The following GRID2 variants were observed in gnomAD, a reference collection of about 807,000 sequenced individuals.
GRID2 encodes glutamate receptor ionotropic, delta-2.
A neutral mutation model predicts 114.8 loss-of-function variants in GRID2; 33 were observed. The ratio of observed to expected loss-of-function variants is 0.29; its 90% confidence interval spans 0.22 to 0.38. The LOEUF is 0.38. Ranked by LOEUF, GRID2 falls within the 10% of genes least tolerant of loss-of-function variation. GRID2 has a pLI of 1.00. For missense variants in GRID2, 1,184 were observed against 1,257.7 expected, an observed-to-expected ratio of 0.94 and a Z score of 0.89; for synonymous variants, 505 against 449.9, an observed-to-expected ratio of 1.12 and a Z score of -1.55.
At chr4:93,620,243 TCTAA>T (rs1328360827) in intron 13 of GRID2, among the ~76,000 whole-genome samples, 1 of 152,234 alleles carries the variant, frequency 6.6e-6, no homozygotes, top group Non-Finnish European at 1.5e-5. Flanking sequence ...GAAATTCCTA[TCTAA>T]CCCTTTTGGT....
intron 2 of GRID2, among the ~76,000 whole-genome samples, chr4:92,933,989 T>G (rs945915788): frequency 2.0e-5 from 3 of 151,716 alleles, no homozygotes; most frequent in Non-Finnish European, 4.4e-5. Flanking sequence ...ACTTAAACAC[T>G]CTATAAAAGA....
chr4:92,928,214 T>G (rs1749973162), intron 2 of GRID2, among the ~76,000 whole-genome samples: 1 of 151,684 alleles, frequency 6.6e-6, no homozygotes, highest in Non-Finnish European at 1.5e-5. Flanking sequence ...TAACTACAGC[T>G]GTTTAGACCA....
chr4:92,550,962 A>G (rs1467467829), intron 1 of GRID2, among the ~76,000 whole-genome samples: 2 of 152,246 alleles, frequency 1.3e-5, no homozygotes, highest in Non-Finnish European at 2.9e-5. Context: ...TTTCTCCATA[A>G]ACAATTAAAA....
At chr4:93,809,625 A>G (rs765684623) in exon 2 of GRID2, 7 of 152,200 alleles carry the variant, frequency 4.6e-5, no homozygotes, top group Non-Finnish European at 7.4e-5. Context: ...TAGAGCAAGG[A>G]AGGCAGATCA....
chr4:93,175,773 G>GA (rs1181065128), intron 4 of GRID2, among the ~76,000 whole-genome samples: 1 of 151,992 alleles, frequency 6.6e-6, no homozygotes, highest in South Asian at 2.1e-4. Flanking sequence ...TCCATGTTTT[G>GA]AAAAAAATAT....
At chr4:93,553,343 C>G (rs1027327745) in intron 13 of GRID2, among the ~76,000 whole-genome samples, 3 of 152,172 alleles carry the variant, frequency 2.0e-5, no homozygotes, top group Non-Finnish European at 2.9e-5. Flanking sequence ...GAGGTGGTAT[C>G]TCATTGTGGT....
At chr4:93,041,768 A>T (rs1314906503) in intron 2 of GRID2, among the ~76,000 whole-genome samples, 1 of 152,202 alleles carries the variant, frequency 6.6e-6, no homozygotes, top group Non-Finnish European at 1.5e-5. Context: ...TATTTCTATT[A>T]TGAAATATTC....
At chr4:92,879,866 T>C (rs988721387) in intron 2 of GRID2, among the ~76,000 whole-genome samples, 1 of 152,234 alleles carries the variant, frequency 6.6e-6, no homozygotes, top group Non-Finnish European at 1.5e-5. Context: ...CAACTGTTCT[T>C]TGGCCAAGAG....
In GRID2 at chr4:93,202,973, G is replaced by T. The variant is rs116158961; in HGVS notation, c.736-4431G>T. On this transcript the variant is annotated intron_variant, in intron 4 of 15. Coordinates refer to ENST00000282020, the MANE Select transcript of GRID2 (RefSeq NM_001510.4). ...ATCATACTACTATACATTCTTTTTT[G>T]TGTGTGTGTGTATGTGTGTGTATAA... Among the ~76,000 whole-genome samples the T allele has an allele frequency of 5.9e-3, 891 of 151,148 alleles. 8 individuals are homozygous for T. Among genetic ancestry groups the T allele is most frequent in the African/African-American group, 0.016 (668 of 41,190 alleles).
At chr4:92,490,588 ACT>A (rs1162164278) in intron 1 of GRID2, among the ~76,000 whole-genome samples, 1 of 152,098 alleles carries the variant, frequency 6.6e-6, no homozygotes. Flanking sequence ...AGACACTATA[ACT>A]CTATCATATT....
In GRID2 at chr4:93,782,750, A is replaced by G. The variant is rs1734504984; in HGVS notation, c.221+13300A>G. On this transcript the variant is annotated intron_variant, in intron 1 of 1. Transcript: ENST00000637838. ...AAGAAAAAAATATCGTATATCAAAT[A>G]TAAAACAAGAAATAAGCAATACGGG... is the stretch of plus-strand genomic sequence containing the variant. Among the ~76,000 whole-genome samples the G allele has an allele frequency of 1.3e-5, 2 of 152,246 alleles. 1 individual carries two copies. The highest frequency in any genetic ancestry group is 4.1e-4 in the South Asian group (2 of 4,836).
intron 2 of GRID2, among the ~76,000 whole-genome samples, chr4:93,078,455 G>T (rs1406792074): frequency 6.6e-6 from 1 of 151,166 alleles, no homozygotes; most frequent in Non-Finnish European, 1.5e-5. Context: ...CTGAGTACCT[G>T]GTACTTGCCT....
At chr4:93,055,336 A>G (rs1020671564) in intron 2 of GRID2, among the ~76,000 whole-genome samples, 1 of 151,786 alleles carries the variant, frequency 6.6e-6, no homozygotes, top group Non-Finnish European at 1.5e-5. Context: ...TTTCCACACT[A>G]TTATGTTTCA....
intron 11 of GRID2, among the ~76,000 whole-genome samples, chr4:93,456,566 A>G (rs1378628888): frequency 6.6e-6 from 1 of 152,090 alleles, no homozygotes; most frequent in Non-Finnish European, 1.5e-5. Context: ...AATCTGCCCA[A>G]CTCTTTAAAC....
intron 1 of GRID2, among the ~76,000 whole-genome samples, chr4:92,420,175 T>A (rs1731829293): frequency 6.6e-6 from 1 of 152,150 alleles, no homozygotes; most frequent in South Asian, 2.1e-4. Flanking sequence ...TTCACTCTTG[T>A]CAATTCTTTG....
chr4:93,742,914 T>C (rs748318750), intron 14 of GRID2, among the ~76,000 whole-genome samples: 2 of 152,196 alleles, frequency 1.3e-5, no homozygotes, highest in Non-Finnish European at 2.9e-5. Context: ...TGTCTCTCTC[T>C]TGAATCGAAA....
At chr4:93,193,438 G>A (rs530138517) in intron 4 of GRID2, among the ~76,000 whole-genome samples, 10 of 152,158 alleles carry the variant, frequency 6.6e-5, no homozygotes, top group East Asian at 5.8e-4. Flanking sequence ...GAGTTCTTAC[G>A]AGATCTGATG....
chr4:93,736,432 A>G (rs980468235), intron 14 of GRID2, among the ~76,000 whole-genome samples: 2 of 152,076 alleles, frequency 1.3e-5, no homozygotes, highest in Non-Finnish European at 2.9e-5. Flanking sequence ...CCAAAGCTAC[A>G]TAGCTAACAA....
At chr4:93,679,998 T>C in intron 14 of GRID2, among the ~76,000 whole-genome samples, 1 of 151,062 alleles carries the variant, frequency 6.6e-6, no homozygotes, top group Non-Finnish European at 1.5e-5. Flanking sequence ...AGCTGGTTTT[T>C]TGAAAGGATC....
Sources: allele counts gnomAD v4.1 joint callset (sites outside exome capture counted in the v4.1 genomes callset), GRCh38; gene constraint gnomAD v4.1.1; transcripts MANE v1.5; gene names NCBI Gene and HGNC (gene_info 2026-07-23, HGNC 2026-07-21).